Variants in TTN observed in about 807,000 individuals in gnomAD.
TTN encodes titin.
In TTN, 1,525 loss-of-function variants were observed where a neutral mutation model predicts 3,223.0. The observed-to-expected ratio is 0.47, with a 90% CI of 0.45 to 0.49. The LOEUF is 0.49. Among genes scored for constraint, TTN ranks in the 20% least tolerant of loss-of-function variants. The pLI, the probability that TTN is intolerant of heterozygous loss-of-function variation, is 0.00. For missense variants in TTN, 40,786 were observed against 43,424.0 expected (o/e 0.94, Z 5.40); for synonymous variants, 14,094 against 15,161.0 (o/e 0.93, Z 5.17).
chr2:178,563,174 C>A lies in TTN; in HGVS notation c.82958G>T (p.Gly27653Val). 1 of 1,613,730 alleles carries A rather than the reference C, an allele frequency of 6.2e-7. No homozygotes were observed. The highest frequency in any genetic ancestry group is 1.1e-5 in the South Asian group (1 of 91,082). ...NFRICAINSE[G>V]VGEPATLPGS... ...AGGTAGAGTTGCAGGTTCACCTACA[C>A]CTTCAGAATTGATGGCACAAATACG... The change falls in exon 326 of 363, where the codon GGT becomes GTT. Residue 27653 changes from glycine to valine, a missense_variant. Gly to Val is a moderately radical substitution (Grantham distance 109). Coordinates refer to ENST00000589042, the MANE Select transcript of TTN (RefSeq NM_001267550.2). The surrounding 1 kb of genome is among the most constrained non-coding windows in gnomAD (Gnocchi z 4.5).
At position 178,717,350 on chromosome 2, in the gene TTN, GC is replaced by G. The variant is rs1452206214; in HGVS notation, c.25383del (p.Lys8461AsnfsTer5). The G allele has an allele frequency of 6.2e-7, 1 of 1,609,844 alleles. No individual in the cohort carries two copies. The highest frequency in any genetic ancestry group is 1.3e-5 in the African/African-American group (1 of 74,760). ...EHEVPPFFDL[K>X]PVSVDLALGE... The stretch of plus-strand genomic sequence containing the variant: ...CCAAGAGCAAGATCTACTGATACAG[GC>G]TTTAGATCAAAGAAAGGAGGCACTT... On this transcript the variant is annotated frameshift_variant, in exon 88 of 363. Transcript: ENST00000589042. LOFTEE classifies it high-confidence loss of function.
At position 178,604,702 on chromosome 2, in the gene TTN, G is replaced by C. The variant is rs368265962; in HGVS notation, c.54381+6C>G. ...TGTGTATAAGAAAATATTCAGAAGA[G>C]TTTACCCCATATCTTTTCTCTACAG... is the stretch of plus-strand genomic sequence containing the variant. On this transcript the variant is annotated splice_donor_region_variant and intron_variant, in intron 281 of 362. Transcript: ENST00000589042. 4.8e-5 allele frequency: 76 copies of C among 1,599,134 alleles called. No homozygotes were observed. The highest frequency in any genetic ancestry group is 3.3e-4 in the Middle Eastern group (2 of 6,006).
chr2:178,580,867 C>G (rs900138448), intron 316 of TTN: 8 of 421,312 alleles, frequency 1.9e-5, no homozygotes, highest in African/African-American at 1.7e-4. Context: ...GCCTTATGTA[C>G]TCTGAAATGC....
At chr2:178,675,564 G>T in intron 149 of TTN, 107 bp downstream of exon 149, 2 of 893,556 alleles carry the variant, frequency 2.2e-6, no homozygotes, top group South Asian at 7.8e-5. Context: ...TGACGAATGT[G>T]AATGACAGAC....
Position 178,738,329 on chromosome 2 carries a change from G to A in TTN, c.14124C>T (p.Pro4708=). 6.2e-7 allele frequency: 1 copy of A among 1,613,002 alleles called. No individual in the cohort carries two copies. Among genetic ancestry groups the A allele is most frequent in the Non-Finnish European group, 8.5e-7 (1 of 1,179,328 alleles). The part of the protein sequence containing the change: ...AAPVIKRKIE[P]LEVALGHLAK... ...CTAGGTGGCCCAGTGCTACTTCCAG[G>A]GGTTCGATTTTCCTCTTGATCACTG... Residue 4708 remains proline (P), a synonymous_variant, in exon 49 of 363, where the codon CCC becomes CCT. Transcript: ENST00000589042.
At position 178,543,549 on chromosome 2, in the gene TTN, C is replaced by T. The variant is rs779663332; in HGVS notation, c.96424G>A (p.Val32142Ile). ...CTCATAGCAGCTTCACGCTTCTCAA[C>T]GATGTAATTGTTGACTGGAGCTCCA... The part of the protein sequence containing the change: ...DGGAPVNNYI[V>I]EKREAAMRAF... Residue 32142 changes from valine to isoleucine, a missense_variant, in exon 347 of 363, where the codon GTT (valine) becomes ATT (isoleucine). Physicochemically the swap from Val to Ile is conservative, Grantham distance 29 (BLOSUM62 3). Coordinates refer to ENST00000589042, the MANE Select transcript of TTN (RefSeq NM_001267550.2). The T allele has an allele frequency of 9.1e-5, 146 of 1,611,964 alleles. No homozygotes were observed. The highest frequency in any genetic ancestry group is 8.8e-5 in the Non-Finnish European group (104 of 1,179,728).
chr2:178,534,427 G>A lies in TTN; in HGVS notation c.102188C>T (p.Thr34063Ile). 1 of 1,612,276 alleles carries A rather than the reference G, an allele frequency of 6.2e-7. No homozygotes were observed. Among genetic ancestry groups the A allele is most frequent in the Non-Finnish European group, 8.5e-7 (1 of 1,179,810 alleles). The change falls in exon 358 of 363, where the codon ACA (threonine) becomes ATA (isoleucine). Residue 34063 changes from threonine (T) to isoleucine (I), a missense_variant. Coordinates refer to ENST00000589042, the MANE Select transcript of TTN (RefSeq NM_001267550.2). Reference protein sequence around the residue: ...LLVKERKSRMTASEALQHPWL... With the variant: ...LLVKERKSRMIASEALQHPWL... ...TGGGTGCTGGAGAGCCTCCGATGCT[G>A]TCATGCGAGATTTCCTCTCTTTCAC... is the stretch of plus-strand genomic sequence containing the variant.
In TTN at chr2:178,548,934, C is replaced by T; in HGVS notation, c.92692G>A (p.Ala30898Thr). 6.2e-7 allele frequency: 1 copy of T among 1,613,914 alleles called. No homozygotes were observed. Residue 30898 changes from alanine to threonine, a missense_variant, in exon 339 of 363, where the codon GCT (alanine) becomes ACT (threonine). By Grantham distance (58) the Ala-to-Thr change is moderately conservative (BLOSUM62 0). Coordinates refer to ENST00000589042, the MANE Select transcript of TTN (RefSeq NM_001267550.2). This position sits in a 1 kb window ranked among gnomAD's most constrained non-coding sequence, Gnocchi z 4.3. The stretch of plus-strand genomic sequence containing the variant: ...TCGCCTTTTCCAGCACCATTGATAG[C>T]ACTAACTCGGAATTTGTATTCTTCA... ...AGEEYKFRVSAINGAGKGDSC... is the reference protein window; with the variant it reads ...AGEEYKFRVSTINGAGKGDSC...
At chr2:178,696,952 G>T (rs1007602408) in intron 113 of TTN, among the ~76,000 whole-genome samples, 169 bp downstream of exon 113, 30 of 151,974 alleles carry the variant, frequency 2.0e-4, no homozygotes, top group Non-Finnish European at 3.1e-4. Flanking sequence ...TTGTTTTCCT[G>T]GGAAAGGGGC....
In TTN at chr2:178,556,839, C is replaced by T. The variant is rs1440379223; in HGVS notation, c.88306+9G>A. 3 of 1,612,756 alleles carry T rather than the reference C, an allele frequency of 1.9e-6. No individual in the cohort carries two copies. The highest frequency in any genetic ancestry group is 2.2e-5 in the East Asian group (1 of 44,792). ...AGCAATTTTGATTCAAAGTGCTAAG[C>T]ATGCTTACCATAAGAATCGATGCAA... On this transcript the variant is annotated intron_variant, in intron 330 of 362. Transcript: ENST00000589042.
At chr2:178,716,209 C>T (rs1014286556) in intron 88 of TTN, among the ~76,000 whole-genome samples, 3 of 152,000 alleles carry the variant, frequency 2.0e-5, no homozygotes, top group African/African-American at 7.2e-5. Context: ...CATGAAGAGC[C>T]GGAATGGCAA....
chr2:178,771,983 G>T (rs1321685959), intron 33 of TTN, among the ~76,000 whole-genome samples: 1 of 152,030 alleles, frequency 6.6e-6, no homozygotes, highest in Non-Finnish European at 1.5e-5. Flanking sequence ...TCATCCATTA[G>T]CAGAAATAAT....
chr2:178,652,859 G>A lies in TTN; in HGVS notation c.38948C>T (p.Pro12983Leu). 4.3e-6 allele frequency: 7 copies of A among 1,611,582 alleles called. No homozygotes were observed. The highest frequency in any genetic ancestry group is 1.1e-5 in the South Asian group (1 of 90,758). Residue 12983 changes from proline (P) to leucine (L), a missense_variant, in exon 200 of 363, where the codon CCT becomes CTT. By Grantham distance (98) the Pro-to-Leu change is moderately conservative (BLOSUM62 -3). Coordinates refer to ENST00000589042, the MANE Select transcript of TTN (RefSeq NM_001267550.2). Reference sequence around the variant, plus strand: ...CCAGTGACAAATACCTTTAACAGGAGGGACTTCAGGCTTTTTAGGAGGAGC... The same window carrying A: ...CCAGTGACAAATACCTTTAACAGGAAGGACTTCAGGCTTTTTAGGAGGAGC... The part of the protein sequence containing the change: ...PLAPPKKPEV[P>L]PVKVPEAPKE...
At position 178,555,150 on chromosome 2, in the gene TTN, C is replaced by T. The variant is rs199916082; in HGVS notation, c.88309G>A (p.Gly29437Ser). The T allele has an allele frequency of 2.9e-5, 46 of 1,598,894 alleles. No homozygotes were observed. Among genetic ancestry groups the T allele is most frequent in the Middle Eastern group, 1.7e-4 (1 of 6,034 alleles). ...GPITCIDSYGGPVIDLPLEYT... is the reference protein window; with the variant it reads ...GPITCIDSYGSPVIDLPLEYT... Reference sequence around the variant, plus strand: ...TCTAGAGGCAAATCAATTACAGGACCACCTGCAAGAAAAACAGATGAGAAA... The same window carrying T: ...TCTAGAGGCAAATCAATTACAGGACTACCTGCAAGAAAAACAGATGAGAAA... Residue 29437 changes from glycine (G) to serine (S), a missense_variant and splice_region_variant, in exon 331 of 363, where the codon GGT (glycine) becomes AGT (serine). Physicochemically the swap from Gly to Ser is moderately conservative, Grantham distance 56. Transcript: ENST00000589042.
In TTN at chr2:178,706,881, C is replaced by T. The variant is rs773659138; in HGVS notation, c.29115G>A (p.Gln9705=). The T allele has an allele frequency of 3.7e-5, 59 of 1,612,350 alleles. No homozygotes were observed. In the East Asian group the frequency reaches 1.3e-3, roughly 35 times the overall value. The stretch of plus-strand genomic sequence containing the variant: ...ACTTACTTTCTACGACTCTGATACT[C>T]TGAGGTTCTGACACAAAAAAGAGTC... ...DGRLFFVSEP[Q]SIRVVEKTTA... is the part of the protein sequence containing the mutation. The change falls in exon 101 of 363, where the codon CAG becomes CAA. Residue 9705 remains glutamine, a synonymous_variant. Transcript: ENST00000589042.
chr2:178,685,029 CAT>C (rs1178486782), intron 129 of TTN, 40 bp from the exon 130 acceptor site: 1 of 1,494,628 alleles, frequency 6.7e-7, no homozygotes, highest in Non-Finnish European at 9.2e-7. Context: ...GTTTGCCTTA[CAT>C]ATGAAGTGAC....
Position 178,614,885 on chromosome 2 carries a change from C to T in TTN, c.48722G>A (p.Ser16241Asn). 1.9e-6 allele frequency: 3 copies of T among 1,577,760 alleles called. No homozygotes were observed. Among genetic ancestry groups the T allele is most frequent in the Non-Finnish European group, 2.6e-6 (3 of 1,160,288 alleles). The change falls in exon 260 of 363, where the codon AGC becomes AAC. Residue 16241 changes from serine (S) to asparagine (N), a missense_variant. Ser to Asn is a conservative substitution (Grantham distance 46). Transcript: ENST00000589042. ...ALNRQGASKP[S>N]RPTEEIQAVD... ...AGCCTGGATTTCCTCTGTGGGTCTG[C>T]TTGGTTTGCTAGCACCCTGCCTGTT... is the stretch of plus-strand genomic sequence containing the variant.
At position 178,722,153 on chromosome 2, in the gene TTN, G is replaced by C. The variant is rs2078483916; in HGVS notation, c.22529-19C>G. Reference sequence around the variant, plus strand: ...TTGGGTTCTGGAGGATGAGAAGAAAGGCAATGTGTATTTTTTGTTTGTTTT... The same window carrying C: ...TTGGGTTCTGGAGGATGAGAAGAAACGCAATGTGTATTTTTTGTTTGTTTT... On this transcript the variant is annotated intron_variant, in intron 77 of 362. Transcript: ENST00000589042. 2 of 1,535,184 alleles carry C rather than the reference G, an allele frequency of 1.3e-6. No homozygotes were observed.
chr2:178,645,214 A>G (rs1010995531), intron 217 of TTN: 1 of 152,142 alleles, frequency 6.6e-6, no homozygotes, highest in Non-Finnish European at 1.5e-5. Context: ...TGATATTTTT[A>G]AAATTAAGTA....
Sources: allele counts gnomAD v4.1 joint callset (sites outside exome capture counted in the v4.1 genomes callset), GRCh38; gene constraint gnomAD v4.1.1; non-coding constraint Gnocchi (gnomAD v3.1); transcripts MANE v1.5; gene names NCBI Gene and HGNC (gene_info 2026-07-23, HGNC 2026-07-21).